The following SLC30A10 variants were observed in gnomAD, a reference collection of about 807,000 sequenced individuals.
SLC30A10 encodes the protein calcium/manganese antiporter SLC30A10.
SLC30A10 carries 8 observed loss-of-function variants against 21.7 expected under a neutral mutation model. The observed-to-expected ratio is 0.37, with a 90% CI of 0.22 to 0.67. The LOEUF (loss-of-function observed/expected upper bound fraction) is 0.67. SLC30A10 is among the 30% of genes least tolerant of loss of function. The pLI, the probability that SLC30A10 is intolerant of heterozygous loss-of-function variation, is 0.58. For missense variants in SLC30A10, 521 were observed against 642.5 expected (o/e 0.81, Z 2.04); for synonymous variants, 272 against 279.4 (o/e 0.97, Z 0.26).
chr1:219,954,721 A>G (rs941004419), intron 1 of SLC30A10, among the ~76,000 whole-genome samples: 2 of 151,604 alleles, frequency 1.3e-5, no homozygotes, highest in African/African-American at 2.4e-5. Flanking sequence ...TTCAAAGGAA[A>G]GGCATTTTTT....
intron 1 of SLC30A10, among the ~76,000 whole-genome samples, chr1:219,939,488 C>T (rs1160300806): frequency 6.6e-6 from 1 of 151,946 alleles, no homozygotes; most frequent in East Asian, 1.9e-4. Flanking sequence ...AGTGCAGTGG[C>T]CATTATCTTG....
At chr1:219,944,363 G>C (rs1487354999) in intron 1 of SLC30A10, among the ~76,000 whole-genome samples, 1 of 151,658 alleles carries the variant, frequency 6.6e-6, no homozygotes, top group East Asian at 1.9e-4. Flanking sequence ...CAGGAGAATG[G>C]TGTGAACCTG....
At chr1:219,958,417 C>T (rs1187445621) in intron 1 of SLC30A10, among the ~76,000 whole-genome samples, 1 of 152,144 alleles carries the variant, frequency 6.6e-6, no homozygotes, top group Non-Finnish European at 1.5e-5. Context: ...CTAAAGGCAA[C>T]TCTTCTGAGA....
chr1:219,937,586 G>A (rs761717906), intron 1 of SLC30A10, among the ~76,000 whole-genome samples: 7 of 152,204 alleles, frequency 4.6e-5, no homozygotes, highest in Non-Finnish European at 8.8e-5. Flanking sequence ...ATGCCAAGGC[G>A]GGCGGATCAC....
At chr1:219,944,491 GCC>G (rs1293859604) in intron 1 of SLC30A10, among the ~76,000 whole-genome samples, 3 of 152,062 alleles carry the variant, frequency 2.0e-5, no homozygotes, top group African/African-American at 7.2e-5. Context: ...AAATGGATGG[GCC>G]CAGTAGCAGA....
intron 2 of SLC30A10, among the ~76,000 whole-genome samples, chr1:219,922,177 T>TGTGTGG (rs1194378922): frequency 7.1e-4 from 21 of 29,376 alleles, no homozygotes; most frequent in African/African-American, 2.8e-3. Flanking sequence ...TGTGTGTGTG[T>TGTGTGG]TTTTTTTTTT....
intron 1 of SLC30A10, among the ~76,000 whole-genome samples, chr1:219,957,882 A>G (rs1660373772): frequency 6.6e-6 from 1 of 152,206 alleles, no homozygotes; most frequent in Non-Finnish European, 1.5e-5. Flanking sequence ...TTTGACAGAT[A>G]ATCTAATAAG....
At chr1:219,937,296 A>T (rs1206200940) in intron 1 of SLC30A10, among the ~76,000 whole-genome samples, 1 of 152,080 alleles carries the variant, frequency 6.6e-6, no homozygotes, top group Non-Finnish European at 1.5e-5. Context: ...ATATTTAGCA[A>T]CTTCTCCAGA....
Position 219,911,149 on chromosome 1 carries a change from G to GTTTTTTTTTTGTTT in SLC30A10, c.*4299_*4300insAAACAAAAAAAAAA, listed in dbSNP as rs1553311741. 6.1e-3 allele frequency among the ~76,000 whole-genome samples: 299 copies of GTTTTTTTTTTGTTT among 49,362 alleles called. 1 individual carries two copies. The highest frequency in any genetic ancestry group is 0.01 in the Non-Finnish European group (227 of 22,392). 32.4% of individuals were successfully genotyped at this position (49,362 alleles called of 152,430 possible). A position where few individuals can be genotyped will look rare whatever the true frequency, so the allele number is the denominator to read the frequency against. ...ATGTTTCTTCATTTTTTCTACATCA[G>GTTTTTTTTTTGTTT]TTTTTTTTTTTTTTTTTTTTTTTTT... On this transcript the variant is annotated 3_prime_UTR_variant, in exon 4 of 4. Coordinates refer to ENST00000366926, the MANE Select transcript of SLC30A10 (RefSeq NM_018713.3).
upstream of SLC30A10, among the ~76,000 whole-genome samples, chr1:219,932,918 G>A (rs932429028): frequency 6.7e-6 from 1 of 150,330 alleles, no homozygotes; most frequent in Non-Finnish European, 1.5e-5. Context: ...AAAATTAACC[G>A]GGCGTGGTGG....
chr1:219,915,933 G>C lies in SLC30A10; in HGVS notation c.974C>G (p.Ala325Gly), dbSNP rs1225270723. Residue 325 changes from alanine (A) to glycine (G), a missense_variant, in exon 4 of 4, where the codon GCT (alanine) becomes GGT (glycine). Ala to Gly is a moderately conservative substitution (Grantham distance 60, BLOSUM62 0). Coordinates refer to ENST00000366926, the MANE Select transcript of SLC30A10 (RefSeq NM_018713.3). The part of the protein sequence containing the change: ...NMEELMSKLS[A>G]VPGISSVHEV... The stretch of plus-strand genomic sequence containing the variant: ...ATGTACACTGCTAATTCCAGGCACA[G>C]CAGAGAGTTTACTCACTATAACAGA... 6.2e-7 allele frequency: 1 copy of C among 1,613,456 alleles called. No individual in the cohort carries two copies. Among genetic ancestry groups the C allele is most frequent in the Admixed American group, 1.7e-5 (1 of 60,012 alleles).
intron 1 of SLC30A10, among the ~76,000 whole-genome samples, chr1:219,950,396 T>C (rs1440518273): frequency 6.6e-6 from 1 of 152,140 alleles, no homozygotes; most frequent in Non-Finnish European, 1.5e-5. Flanking sequence ...TCCCAGCACT[T>C]TGGGAGGCCG....
chr1:219,936,137 T>C (rs1193095874), intron 1 of SLC30A10, among the ~76,000 whole-genome samples: 3 of 152,192 alleles, frequency 2.0e-5, no homozygotes, highest in Admixed American at 6.5e-5. Flanking sequence ...ACTAAGATTC[T>C]TGACCTCTGA....
At chr1:219,919,125 A>T (rs995267211) in intron 2 of SLC30A10, 3 of 152,218 alleles carry the variant, frequency 2.0e-5, no homozygotes, top group Non-Finnish European at 4.4e-5. Context: ...TAATACTAAA[A>T]ATTGTGGGTG....
At chr1:219,929,280 C>T (rs1659928111), upstream of SLC30A10, among the ~76,000 whole-genome samples, 1 of 152,182 alleles carries the variant, frequency 6.6e-6, no homozygotes, top group Non-Finnish European at 1.5e-5. Context: ...TCGCAGGCAG[C>T]CCTCAGGAGA....
At position 219,928,486 on chromosome 1, in the gene SLC30A10, C is replaced by A; in HGVS notation, c.-46G>T. ...CCCGGCGCCGCCCAGGGGAGCGCAG[C>A]CCACCCCGCGCGCAGCCACAGGTGG... On this transcript the variant is annotated 5_prime_UTR_variant, in exon 1 of 4. Transcript: ENST00000366926. The surrounding 1 kb of genome is among the most constrained non-coding windows in gnomAD (Gnocchi z 6.3). The A allele has an allele frequency of 6.8e-7, 1 of 1,468,580 alleles. No homozygotes were observed. The highest frequency in any genetic ancestry group is 8.9e-7 in the Non-Finnish European group (1 of 1,117,362). 91.0% of individuals were successfully genotyped at this position (1,468,580 alleles called of 1,614,324 possible).
chr1:219,919,609 C>T (rs1659628681), intron 2 of SLC30A10, among the ~76,000 whole-genome samples: 1 of 152,024 alleles, frequency 6.6e-6, no homozygotes, highest in Non-Finnish European at 1.5e-5. Flanking sequence ...AACCCTATCT[C>T]TACTAAAAAT....
In SLC30A10 at chr1:219,911,625, T is replaced by C. The variant is rs532918202; in HGVS notation, c.*3824A>G. On this transcript the variant is annotated 3_prime_UTR_variant, in exon 4 of 4. Transcript: ENST00000366926. ...GGGCTTTTCATTTCAAATTACATTT[T>C]TCTTTAAATATCCAAAGTTCTTATG... Among the ~76,000 whole-genome samples, 8 of 152,168 alleles carry C rather than the reference T, an allele frequency of 5.3e-5. No individual in the cohort carries two copies. The highest frequency in any genetic ancestry group is 1.2e-4 in the Non-Finnish European group (8 of 68,026).
chr1:219,921,884 T>G (rs1409397937), intron 2 of SLC30A10, among the ~76,000 whole-genome samples: 1 of 139,386 alleles, frequency 7.2e-6, no homozygotes, highest in Non-Finnish European at 1.5e-5. Context: ...TGTGTGTGTG[T>G]GTGTGTGTGT....
Sources: gnomAD v4.1 joint callset for allele counts (sites outside exome capture counted in the v4.1 genomes callset) on GRCh38, gnomAD v4.1.1 for gene constraint, Gnocchi (gnomAD v3.1) non-coding constraint, MANE v1.5 for transcripts, NCBI Gene and HGNC (gene_info 2026-07-23, HGNC 2026-07-21) for gene names.